BRCA1: variants seen among roughly 807,000 people sequenced by gnomAD.
BRCA1 encodes BRCA1 DNA repair associated, also known as breast cancer type 1 susceptibility protein.
Under a neutral mutation model 173.7 loss-of-function variants are expected in BRCA1, and 140 were observed. That is an observed-to-expected ratio of 0.81 (90% CI 0.70 to 0.93). The LOEUF (loss-of-function observed/expected upper bound fraction) is 0.93, where lower values mean the gene tolerates loss of function less well. BRCA1 is among the 40% of genes least tolerant of loss of function. The probability of loss-of-function intolerance (pLI) is 0.00; values close to 1 mark genes in which losing one functional copy is unlikely to be tolerated. For missense variants in BRCA1, 1,983 were observed against 2,172.5 expected, an observed-to-expected ratio of 0.91 and a Z score of 1.73; for synonymous variants, 662 against 756.0, an observed-to-expected ratio of 0.88 and a Z score of 2.04.
chr17:43,081,544 A>G (rs748637378), intron 12 of BRCA1, among the ~76,000 whole-genome samples: 2 of 152,190 alleles, frequency 1.3e-5, no homozygotes, highest in Non-Finnish European at 2.9e-5. Context: ...TGAGCTAGGA[A>G]TGAAGTGTAC....
intron 1 of BRCA1, chr17:43,132,932 T>G (rs1166357809): frequency 6.7e-6 from 1 of 148,380 alleles, no homozygotes; most frequent in African/African-American, 2.5e-5. Flanking sequence ...CCCAGCTAAT[T>G]TTTTTTTTTC....
At chr17:43,119,848 A>G (rs2055468008) in intron 2 of BRCA1, among the ~76,000 whole-genome samples, 1 of 152,244 alleles carries the variant, frequency 6.6e-6, no homozygotes, top group Admixed American at 6.5e-5. Context: ...ATTATAATCT[A>G]AACTATATAA....
At chr17:43,127,742 C>A (rs989549914), upstream of BRCA1, among the ~76,000 whole-genome samples, 3 of 151,914 alleles carry the variant, frequency 2.0e-5, no homozygotes, top group Non-Finnish European at 4.4e-5. Flanking sequence ...CAGGCTGCCC[C>A]GCTGGGTGCC....
intron 20 of BRCA1, chr17:43,049,944 G>A (rs2051136726): frequency 2.5e-6 from 1 of 396,538 alleles, no homozygotes; most frequent in Admixed American, 4.4e-5. Context: ...AATACTTTCT[G>A]GCAACCCTGG....
upstream of BRCA1, chr17:43,125,748 C>G (rs8176074): frequency 6.3e-6 from 1 of 159,276 alleles, no homozygotes; most frequent in East Asian, 1.9e-4. Flanking sequence ...CTCTTTCCGC[C>G]CTAATGGAGG....
intron 21 of BRCA1, among the ~76,000 whole-genome samples, chr17:43,048,610 G>A (rs1343426139): frequency 6.6e-6 from 1 of 150,756 alleles, no homozygotes; most frequent in Non-Finnish European, 1.5e-5. Context: ...TGCCTCCCAC[G>A]TTCAAGCGAT....
At chr17:43,129,186 G>C (rs1444251040), upstream of BRCA1, among the ~76,000 whole-genome samples, 1 of 152,206 alleles carries the variant, frequency 6.6e-6, no homozygotes, top group African/African-American at 2.4e-5. Flanking sequence ...GACTCTACTG[G>C]CTGTAGACCT....
At chr17:43,094,918 C>T (rs1161575164) in intron 9 of BRCA1, 58 bp from the exon 10 acceptor site, 5 of 1,457,882 alleles carry the variant, frequency 3.4e-6, no homozygotes, top group Non-Finnish European at 4.7e-6. Flanking sequence ...TAAAAAAATA[C>T]ATACTTCATA....
chr17:43,137,118 C>A (rs566890129), intron 1 of BRCA1, among the ~76,000 whole-genome samples: 1 of 151,954 alleles, frequency 6.6e-6, no homozygotes, highest in East Asian at 1.9e-4. Flanking sequence ...ATGATGAGTT[C>A]ATGTCCTTTG....
At chr17:43,110,317 T>C (rs1477093167) in intron 3 of BRCA1, 1 of 172,788 alleles carries the variant, frequency 5.8e-6, no homozygotes, top group Admixed American at 5.7e-5. Context: ...CCAGGCATGA[T>C]GACTCACACC....
chr17:43,087,948 G>A (rs922443738), intron 11 of BRCA1, among the ~76,000 whole-genome samples: 1 of 151,506 alleles, frequency 6.6e-6, no homozygotes, highest in African/African-American at 2.4e-5. Flanking sequence ...GTGCAGTAGC[G>A]TGATCACAAC....
intron 2 of BRCA1, among the ~76,000 whole-genome samples, chr17:43,122,894 A>AAT (rs982792620): frequency 6.6e-6 from 1 of 151,666 alleles, no homozygotes; most frequent in Admixed American, 6.6e-5. Flanking sequence ...AAAAAGAAAA[A>AAT]AAAATACAAA....
intron 14 of BRCA1, among the ~76,000 whole-genome samples, chr17:43,074,018 G>A (rs1037657500): frequency 2.6e-5 from 4 of 151,998 alleles, no homozygotes; most frequent in African/African-American, 9.7e-5. Context: ...CGGCCTCCTG[G>A]AGTACTGGGA....
intron 8 of BRCA1, 70 bp from the exon 9 acceptor site, chr17:43,095,992 G>C (rs2154515931): frequency 7.8e-7 from 1 of 1,285,630 alleles, no homozygotes; most frequent in Non-Finnish European, 1.1e-6. Context: ...AAATGACCAA[G>C]ATCAAACATT....
intron 19 of BRCA1, among the ~76,000 whole-genome samples, chr17:43,056,234 C>T (rs1384048858): frequency 6.7e-6 from 1 of 149,340 alleles, no homozygotes. Flanking sequence ...AGTGCAGTGG[C>T]GCAATCTCCG....
At chr17:43,077,842 T>C (rs1223588156) in intron 12 of BRCA1, among the ~76,000 whole-genome samples, 1 of 151,954 alleles carries the variant, frequency 6.6e-6, no homozygotes, top group Non-Finnish European at 1.5e-5. Context: ...TTCAAGCTGT[T>C]CTCCTGCCTC....
rs184110348 is a variant in BRCA1 at position 43,136,770 on chromosome 17, A to T, written c.-19-12655T>A. On this transcript the variant is annotated intron_variant, in intron 1 of 7. Coordinates refer to the BRCA1 transcript ENST00000634433. Reference sequence around the variant, plus strand: ...ACACCAGTTAGAATGTCAGTCATTAAAAAGGAAACAACAGGTGCTGGAGAG... The same window carrying T: ...ACACCAGTTAGAATGTCAGTCATTATAAAGGAAACAACAGGTGCTGGAGAG... Among the ~76,000 whole-genome samples the T allele has an allele frequency of 8.3e-4, 126 of 152,248 alleles. 4 individuals carry two copies. The highest frequency in any genetic ancestry group is 8.2e-3 in the Admixed American group (125 of 15,286).
intron 18 of BRCA1, 27 bp downstream of exon 18, chr17:43,063,305 TG>T (rs2153549559): frequency 6.4e-7 from 1 of 1,564,792 alleles, no homozygotes; most frequent in Non-Finnish European, 8.8e-7. Context: ...TGAATATCTC[TG>T]GTTAGTTTGT....
At chr17:43,120,901 C>T (rs929710021) in intron 2 of BRCA1, among the ~76,000 whole-genome samples, 18 of 151,772 alleles carry the variant, frequency 1.2e-4, no homozygotes, top group African/African-American at 4.4e-4. Context: ...CCTATCTCTA[C>T]TAAAAATACA....
Sources: gnomAD v4.1 joint callset for allele counts (sites outside exome capture counted in the v4.1 genomes callset) on GRCh38, gnomAD v4.1.1 for gene constraint, MANE v1.5 for transcripts, NCBI Gene and HGNC (gene_info 2026-07-23, HGNC 2026-07-21) for gene names.